Variants in LRRC72 observed in about 807,000 individuals in gnomAD.
LRRC72 encodes the protein leucine rich repeat containing 72.
Under a neutral mutation model 35.8 loss-of-function variants are expected in LRRC72, and 41 were observed. The ratio of observed to expected loss-of-function variants is 1.15; its 90% CI spans 0.89 to 1.49. LRRC72 has a LOEUF of 1.49. LRRC72 is among the 40% of genes most tolerant of loss of function. LRRC72 has a pLI of 0.00. For synonymous variants in LRRC72, 118 were observed against 119.2 expected (o/e 0.99, Z 0.07); for missense variants, 389 against 330.7 (o/e 1.18, Z -1.37).
intron 3 of LRRC72, among the ~76,000 whole-genome samples, chr7:16,546,826 T>G (rs1782450941): frequency 6.6e-6 from 1 of 152,062 alleles, no homozygotes; most frequent in Non-Finnish European, 1.5e-5. Flanking sequence ...TATTCAAACA[T>G]TGCATCCTCC....
intron 1 of LRRC72, among the ~76,000 whole-genome samples, chr7:16,531,771 T>C (rs1234507454): frequency 6.6e-6 from 1 of 152,226 alleles, no homozygotes; most frequent in African/African-American, 2.4e-5. Flanking sequence ...TTTTATAATT[T>C]AGCAAAGGAC....
chr7:16,553,169 A>C (rs1782586444), intron 3 of LRRC72, among the ~76,000 whole-genome samples: 1 of 152,218 alleles, frequency 6.6e-6, no homozygotes. Flanking sequence ...TGATGCATCG[A>C]ATATTTTCCA....
intron 7 of LRRC72, among the ~76,000 whole-genome samples, chr7:16,572,440 A>G (rs151127464): frequency 1.2e-4 from 18 of 152,320 alleles, no homozygotes; most frequent in Non-Finnish European, 1.9e-4. Context: ...CAGCACATCA[A>G]AAAGCTTATC....
Position 16,527,010 on chromosome 7 carries a change from G to A in LRRC72, c.58G>A (p.Ala20Thr), listed in dbSNP as rs1782080686. The A allele has an allele frequency of 6.5e-7, 1 of 1,539,626 alleles. No individual in the cohort carries two copies. ...RTLRCWRLRRASETALQSSRR... is the reference protein window; with the variant it reads ...RTLRCWRLRRTSETALQSSRR... The stretch of plus-strand genomic sequence containing the variant: ...CTTGCGATGCTGGCGCCTACGGAGG[G>A]CATCCGAAACTGCCCTACAGAGCAG... The change falls in exon 1 of 9, where the codon GCA (alanine) becomes ACA (threonine). Residue 20 changes from alanine to threonine, a missense_variant. Transcript: ENST00000401542.
chr7:16,532,379 C>T, intron 1 of LRRC72, 116 bp from the exon 2 acceptor site: 2 of 695,780 alleles, frequency 2.9e-6, no homozygotes, highest in Non-Finnish European at 5.1e-6. Context: ...AGAATGGTTA[C>T]CTCCATATTC....
intron 8 of LRRC72, among the ~76,000 whole-genome samples, 196 bp from the exon 9 acceptor site, chr7:16,581,127 CA>C (rs887429736): frequency 1.3e-5 from 2 of 151,988 alleles, no homozygotes; most frequent in African/African-American, 2.4e-5. Context: ...ATAAAATAAA[CA>C]ATATATACAA....
chr7:16,526,949 C>T lies in LRRC72; in HGVS notation c.-4C>T, dbSNP rs1374735073. 6.5e-7 allele frequency: 1 copy of T among 1,539,372 alleles called. No individual in the cohort carries two copies. Among genetic ancestry groups the T allele is most frequent in the Admixed American group, 2.0e-5 (1 of 51,014 alleles). On this transcript the variant is annotated 5_prime_UTR_variant, in exon 1 of 9. Coordinates refer to ENST00000401542, the MANE Select transcript of LRRC72 (RefSeq NM_001195280.2). The stretch of plus-strand genomic sequence containing the variant: ...ACCGCTGCTTCGGCCGCCCATGTGT[C>T]CTGATGTCCTGGGACCCGAACCCCG...
At chr7:16,559,116 G>A in intron 5 of LRRC72, 117 bp downstream of exon 5, 1 of 600,488 alleles carries the variant, frequency 1.7e-6, no homozygotes, top group Non-Finnish European at 2.8e-6. Flanking sequence ...TATTTAGGCT[G>A]GGCACTGTGA....
At chr7:16,559,070 A>G (rs1031982421) in intron 5 of LRRC72, 71 bp downstream of exon 5, 2 of 955,632 alleles carry the variant, frequency 2.1e-6, no homozygotes, top group Non-Finnish European at 3.1e-6. Flanking sequence ...CCATTTATCA[A>G]GTTTAAAATT....
At chr7:16,571,654 T>C (rs1433631532) in intron 7 of LRRC72, among the ~76,000 whole-genome samples, 1 of 152,286 alleles carries the variant, frequency 6.6e-6, no homozygotes, top group Non-Finnish European at 1.5e-5. Context: ...GGAACGGAGC[T>C]ATCCGGCCCA....
intron 3 of LRRC72, among the ~76,000 whole-genome samples, chr7:16,556,837 T>G (rs17169544): frequency 0.011 from 1,620 of 152,308 alleles, 36 homozygotes; most frequent in African/African-American, 0.037. Context: ...ATGCACGGTT[T>G]AGTATGCCTT....
intron 3 of LRRC72, among the ~76,000 whole-genome samples, chr7:16,542,269 A>G (rs1782370777): frequency 6.6e-6 from 1 of 152,202 alleles, no homozygotes; most frequent in African/African-American, 2.4e-5. Flanking sequence ...TGCACCATCA[A>G]CTGTTTTACT....
At chr7:16,555,518 A>T (rs778173657) in intron 3 of LRRC72, among the ~76,000 whole-genome samples, 1 of 152,212 alleles carries the variant, frequency 6.6e-6, no homozygotes, top group Non-Finnish European at 1.5e-5. Context: ...CACGCCTATA[A>T]TCCCAGCAAT....
At chr7:16,529,131 T>C (rs1782120995) in intron 1 of LRRC72, among the ~76,000 whole-genome samples, 2 of 152,204 alleles carry the variant, frequency 1.3e-5, no homozygotes, top group African/African-American at 2.4e-5. Flanking sequence ...AGCCTAAATT[T>C]CAAAGTTGAC....
intron 1 of LRRC72, among the ~76,000 whole-genome samples, chr7:16,528,868 G>A (rs1001497818): frequency 6.6e-6 from 1 of 152,148 alleles, no homozygotes; most frequent in Admixed American, 6.5e-5. Flanking sequence ...AGCACTAACA[G>A]AGAAGGAGGA....
chr7:16,546,234 A>G (rs998865526), intron 3 of LRRC72, among the ~76,000 whole-genome samples: 1 of 152,180 alleles, frequency 6.6e-6, no homozygotes, highest in African/African-American at 2.4e-5. Context: ...TAGTTAACAC[A>G]TAAGTACAGA....
chr7:16,541,733 G>A, intron 3 of LRRC72, among the ~76,000 whole-genome samples: 1 of 152,354 alleles, frequency 6.6e-6, no homozygotes, highest in East Asian at 1.9e-4. Flanking sequence ...CCAACATGGT[G>A]AAACTCCGTC....
rs572920481 is a variant in LRRC72 at position 16,555,225 on chromosome 7, C to T, written c.235-2135C>T. ...AATTTGGTGGAGATGAGTCTGTGAA[C>T]GATCAGATGAACAGCACATGATATG... On this transcript the variant is annotated intron_variant, in intron 3 of 8. Transcript: ENST00000401542. Among the ~76,000 whole-genome samples, 12 of 152,238 alleles carry T rather than the reference C, an allele frequency of 7.9e-5. No individual in the cohort carries two copies. In the South Asian group the frequency reaches 1.9e-3, roughly 24 times the overall value.
intron 7 of LRRC72, among the ~76,000 whole-genome samples, chr7:16,576,186 G>A (rs1783036815): frequency 6.6e-6 from 1 of 152,068 alleles, no homozygotes; most frequent in African/African-American, 2.4e-5. Flanking sequence ...CCCAGAGTAT[G>A]GCTTATTTTA....
Sources: gnomAD v4.1 joint callset for allele counts (sites outside exome capture counted in the v4.1 genomes callset) on GRCh38, gnomAD v4.1.1 for gene constraint, MANE v1.5 for transcripts, NCBI Gene and HGNC (gene_info 2026-07-23, HGNC 2026-07-21) for gene names.